The following LUZP4 variants were observed in gnomAD, a reference collection of about 807,000 sequenced individuals.
The protein encoded by LUZP4 is leucine zipper protein 4, also known as HOM-TES-85 tumor antigen.
A neutral mutation model predicts 8.5 loss-of-function variants in LUZP4; 11 were observed. The observed-to-expected ratio is 1.30, with a 90% CI of 0.82 to 2.14. LUZP4 has a LOEUF of 2.14. LUZP4 is among the 30% of genes most tolerant of loss of function. LUZP4 has a pLI of 0.00. For missense variants in LUZP4, 276 were observed against 229.7 expected (o/e 1.20, Z -1.30); for synonymous variants, 104 against 79.4 (o/e 1.31, Z -1.65).
chrX:115,303,290 T>C lies in LUZP4; in HGVS notation c.224-10T>C, dbSNP rs1402157722. ...TACTTGAAAATACAGAAAATATTTA[T>C]TTTTCAAAGGCTACTCAAGATGCAG... On this transcript the variant is annotated splice_polypyrimidine_tract_variant and intron_variant, in intron 2 of 3. Coordinates refer to ENST00000371920, the MANE Select transcript of LUZP4 (RefSeq NM_016383.5). The C allele has an allele frequency of 9.2e-6, 9 of 980,393 alleles. No homozygotes were observed. The highest frequency in any genetic ancestry group is 1.3e-5 in the Non-Finnish European group (9 of 706,395). The allele number at this position is 980,393 out of a possible 1,213,427, so 80.8% of individuals were successfully genotyped here.
chrX:115,299,627 A>C (rs2073387022), intron 1 of LUZP4, among the ~76,000 whole-genome samples: 1 of 110,583 alleles, frequency 9.0e-6, no homozygotes, highest in Admixed American at 9.6e-5. Flanking sequence ...CTTGAGGCTC[A>C]GGGGCTCTTA....
At chrX:115,304,685 T>C (rs1556603046) in intron 3 of LUZP4, among the ~76,000 whole-genome samples, 2 of 109,404 alleles carry the variant, frequency 1.8e-5, no homozygotes, top group Non-Finnish European at 3.8e-5. Flanking sequence ...CGAATTTTTT[T>C]TTTTCTTTTC....
At chrX:115,300,951 G>A (rs189756739) in intron 1 of LUZP4, among the ~76,000 whole-genome samples, 99 of 110,718 alleles carry the variant, frequency 8.9e-4, no homozygotes, top group Admixed American at 1.6e-3. Context: ...TGTTAAATTC[G>A]CGTCCTTGCT....
rs782790726 is a variant in LUZP4 at position 115,303,285 on chromosome X, A to T, written c.224-15A>T. On this transcript the variant is annotated splice_polypyrimidine_tract_variant and intron_variant, in intron 2 of 3. Transcript: ENST00000371920. ...TTTACTACTTGAAAATACAGAAAAT[A>T]TTTATTTTTCAAAGGCTACTCAAGA... 23 of 915,813 alleles carry T rather than the reference A, an allele frequency of 2.5e-5. No individual in the cohort carries two copies. The highest frequency in any genetic ancestry group is 2.7e-4 in the Middle Eastern group (1 of 3,697). The allele number at this position is 915,813 out of a possible 1,213,427, so 75.5% of individuals were successfully genotyped here.
Position 115,302,044 on chromosome X carries a change from G to A in LUZP4, c.144G>A (p.Lys48=), listed in dbSNP as rs782259457. The change falls in exon 2 of 4, where the codon AAG becomes AAA. Residue 48 remains lysine (K), a synonymous_variant. Coordinates refer to ENST00000371920, the MANE Select transcript of LUZP4 (RefSeq NM_016383.5). ...AAGGGACAAATGCTGAAGAAGAAAA[G>A]AATAAAAGACAGAACCATAGTAAAA... ...ELEGTNAEEE[K]NKRQNHSKKE... The A allele has an allele frequency of 8.4e-7, 1 of 1,184,743 alleles. No individual in the cohort carries two copies. Among genetic ancestry groups the A allele is most frequent in the East Asian group, 3.0e-5 (1 of 33,151 alleles).
chrX:115,295,937 G>C (rs1556598796), intron 1 of LUZP4, among the ~76,000 whole-genome samples: 1 of 111,854 alleles, frequency 8.9e-6, no homozygotes, highest in African/African-American at 3.2e-5. Flanking sequence ...AATAAACAGT[G>C]GTCTCTTCTC....
chrX:115,299,477 A>G (rs1281914753), intron 1 of LUZP4, among the ~76,000 whole-genome samples: 4 of 111,431 alleles, frequency 3.6e-5, no homozygotes, highest in African/African-American at 6.5e-5. Flanking sequence ...GTTCTATTGT[A>G]TTATGGCTGA....
chrX:115,302,810 C>G (rs1466138292), intron 2 of LUZP4, among the ~76,000 whole-genome samples: 6 of 112,239 alleles, frequency 5.3e-5, no homozygotes, highest in African/African-American at 1.6e-4. Flanking sequence ...GGCAGAGCAG[C>G]CAAAAAGGGT....
chrX:115,303,602 T>C (rs2073407760), intron 3 of LUZP4, among the ~76,000 whole-genome samples, 184 bp downstream of exon 3: 1 of 112,541 alleles, frequency 8.9e-6, no homozygotes. Flanking sequence ...ACTATTTTAA[T>C]AAACATTTGA....
In LUZP4 at chrX:115,306,321, A is replaced by G; in HGVS notation, c.459A>G (p.Pro153=). ...PDKSEESQGQ[P]EENHHSERSR... ...AATCAGAAGAATCCCAGGGCCAACC[A>G]GAAGAAAATCATCATTCTGAGCGAT... The change falls in exon 4 of 4, where the codon CCA becomes CCG. Residue 153 remains proline, a synonymous_variant. Transcript: ENST00000371920. 1.4e-5 allele frequency: 17 copies of G among 1,211,688 alleles called. No homozygotes were observed. The highest frequency in any genetic ancestry group is 1.9e-5 in the Non-Finnish European group (17 of 895,534).
At chrX:115,289,904 C>A in intron 1 of LUZP4, 54 bp downstream of exon 1, 1 of 881,165 alleles carries the variant, frequency 1.1e-6, no homozygotes, top group Non-Finnish European at 1.6e-6. Flanking sequence ...TGGTCTTGAG[C>A]GCAAGACCTC....
intron 3 of LUZP4, among the ~76,000 whole-genome samples, chrX:115,305,541 C>A (rs782104390): frequency 1.8e-5 from 2 of 111,871 alleles, no homozygotes; most frequent in African/African-American, 6.5e-5. Context: ...TATCCACTTA[C>A]ATTTATGTAG....
intron 1 of LUZP4, among the ~76,000 whole-genome samples, chrX:115,300,129 G>T (rs1255512482): frequency 9.0e-6 from 1 of 111,312 alleles, no homozygotes; most frequent in Admixed American, 9.6e-5. Context: ...CTCTTTTGGA[G>T]CTGTGAGCTG....
At position 115,289,845 on chromosome X, in the gene LUZP4, C is replaced by T. The variant is rs782420401; in HGVS notation, c.86C>T (p.Ser29Phe). The T allele has an allele frequency of 5.9e-6, 7 of 1,183,384 alleles. No individual in the cohort carries two copies. Among genetic ancestry groups the T allele is most frequent in the East Asian group, 6.0e-5 (2 of 33,487 alleles). Residue 29 changes from serine (S) to phenylalanine (F), a missense_variant, in exon 1 of 4, where the codon TCT becomes TTT. Physicochemically the swap from Ser to Phe is radical, Grantham distance 155. Transcript: ENST00000371920. ...AAAAAGGTTAACTTCCTAGATATGT[C>T]TCTAGGTATGTAGATCTCGGATCCC... ...SRKKVNFLDM[S>F]LDDIIIYKEL...
Position 115,306,739 on chromosome X carries a change from A to T in LUZP4, c.877A>T (p.Arg293Ter). The T allele has an allele frequency of 8.3e-7, 1 of 1,209,137 alleles. No individual in the cohort carries two copies. The highest frequency in any genetic ancestry group is 1.7e-5 in the African/African-American group (1 of 57,799). Residue 293 changes from arginine to a stop codon, truncating the protein, a stop_gained, in exon 4 of 4, where the codon AGA (arginine) becomes TGA (stop). Transcript: ENST00000371920. LOFTEE classifies it low-confidence loss of function (END_TRUNC). ...TERDLINQSG[R>*]SHGQSERHQR... ...GAGAGATCTCATAAATCAGTCAGGG[A>T]GATCTCATGGCCAATCAGAAAGACA...
In LUZP4 at chrX:115,299,141, TAAAC is replaced by T. The variant is rs782801268; in HGVS notation, c.92-2845_92-2842del. Reference sequence around the variant, plus strand: ...CTTGTTCTTTTCCCTTATTTTCTCCTAAACAAACAGAGTGTCTCTGTTCTGAGCC... The same window carrying T: ...CTTGTTCTTTTCCCTTATTTTCTCCTAAACAGAGTGTCTCTGTTCTGAGCC... On this transcript the variant is annotated intron_variant, in intron 1 of 3. Transcript: ENST00000371920. 5.4e-5 allele frequency among the ~76,000 whole-genome samples: 6 copies of T among 111,481 alleles called. No individual in the cohort carries two copies. In the South Asian group the frequency reaches 2.3e-3, roughly 43 times the overall value.
intron 2 of LUZP4, among the ~76,000 whole-genome samples, chrX:115,302,891 C>G (rs2073404060): frequency 8.9e-6 from 1 of 112,342 alleles, no homozygotes; most frequent in African/African-American, 3.2e-5. Context: ...TGGAGATATT[C>G]TTTGATGGGT....
At chrX:115,304,883 A>G (rs782528299) in intron 3 of LUZP4, among the ~76,000 whole-genome samples, 9 of 111,970 alleles carry the variant, frequency 8.0e-5, no homozygotes, top group African/African-American at 1.9e-4. Flanking sequence ...AGTTTTCAAT[A>G]ATACTTTACA....
chrX:115,290,229 C>G (rs782276127), intron 1 of LUZP4, among the ~76,000 whole-genome samples: 5 of 111,712 alleles, frequency 4.5e-5, no homozygotes, highest in African/African-American at 3.3e-5. Flanking sequence ...ACACATGGAG[C>G]CAAGTGCTCT....
Sources: allele counts gnomAD v4.1 joint callset (sites outside exome capture counted in the v4.1 genomes callset), GRCh38; gene constraint gnomAD v4.1.1; transcripts MANE v1.5; gene names NCBI Gene and HGNC (gene_info 2026-07-23, HGNC 2026-07-21).